The following ARHGAP10 variants were observed in gnomAD, a reference collection of about 807,000 sequenced individuals.
ARHGAP10 encodes the protein Rho GTPase activating protein 10, also known as rho GTPase-activating protein 10.
Under a neutral mutation model 108.6 loss-of-function variants are expected in ARHGAP10, and 87 were observed. That is an observed-to-expected ratio of 0.80 (90% CI 0.67 to 0.96). The LOEUF (loss-of-function observed/expected upper bound fraction) is 0.96, where lower values mean the gene tolerates loss of function less well. Among genes scored for constraint, ARHGAP10 ranks in the 40% least tolerant of loss-of-function variants. The pLI, the probability that ARHGAP10 is intolerant of heterozygous loss-of-function variation, is 0.00. For synonymous variants in ARHGAP10, 347 were observed against 341.1 expected (o/e 1.02, Z -0.19); for missense variants, 939 against 954.5 (o/e 0.98, Z 0.21).
intron 10 of ARHGAP10, among the ~76,000 whole-genome samples, chr4:147,897,179 T>C (rs1736027609): frequency 6.6e-6 from 1 of 151,900 alleles, no homozygotes; most frequent in African/African-American, 2.4e-5. Context: ...ATAAACAGCA[T>C]ATACTTGAGT....
At chr4:147,740,212 C>G (rs1175184138) in intron 1 of ARHGAP10, among the ~76,000 whole-genome samples, 1 of 151,934 alleles carries the variant, frequency 6.6e-6, no homozygotes, top group Non-Finnish European at 1.5e-5. Flanking sequence ...TGTGTGCCAC[C>G]AGGCCTGGCT....
At chr4:148,010,733 T>G (rs1461840665) in intron 18 of ARHGAP10, among the ~76,000 whole-genome samples, 1 of 152,308 alleles carries the variant, frequency 6.6e-6, no homozygotes, top group South Asian at 2.1e-4. Flanking sequence ...ACATTGACAT[T>G]AACTGGGAAT....
In ARHGAP10 at chr4:147,747,103, T is replaced by C. The variant is rs370664553; in HGVS notation, c.154+14648T>C. 2.3e-4 allele frequency among the ~76,000 whole-genome samples: 35 copies of C among 152,230 alleles called. 2 individuals carry two copies. The East Asian group carries it at 2.3e-3, about 10-fold the overall frequency. On this transcript the variant is annotated intron_variant, in intron 1 of 22. Transcript: ENST00000336498. The stretch of plus-strand genomic sequence containing the variant: ...CCCAGAAAGGCCGCTGTTTCAGGCT[T>C]TATTTCACACTTTGTTCTGTTGCAC...
intron 13 of ARHGAP10, among the ~76,000 whole-genome samples, chr4:147,922,936 A>G (rs1311191403): frequency 6.6e-6 from 1 of 152,138 alleles, no homozygotes; most frequent in African/African-American, 2.4e-5. Flanking sequence ...TTACTCAGAG[A>G]AAATGTCTTA....
chr4:148,047,576 T>C (rs988961958), intron 20 of ARHGAP10, among the ~76,000 whole-genome samples: 1 of 152,204 alleles, frequency 6.6e-6, no homozygotes, highest in African/African-American at 2.4e-5. Flanking sequence ...GCAGATCAGC[T>C]CAAGTATATT....
chr4:147,738,661 T>C (rs1195508168), intron 1 of ARHGAP10, among the ~76,000 whole-genome samples: 1 of 152,220 alleles, frequency 6.6e-6, no homozygotes, highest in Non-Finnish European at 1.5e-5. Flanking sequence ...ACAATTATGA[T>C]GACATAACTA....
At position 147,870,016 on chromosome 4, in the gene ARHGAP10, G is replaced by C. The variant is rs866442754; in HGVS notation, c.702+3200G>C. ...TCCCAGTTTGTGTGTGTGTGTGTGT[G>C]TGTGTGTGTGTGTGTGTGTGTGTGT... On this transcript the variant is annotated intron_variant, in intron 7 of 22. Transcript: ENST00000336498. 4.5e-3 allele frequency among the ~76,000 whole-genome samples: 672 copies of C among 150,988 alleles called. 12 individuals are homozygous for C. The highest frequency in any genetic ancestry group is 0.013 in the African/African-American group (542 of 41,094).
chr4:147,751,869 T>G lies in ARHGAP10; in HGVS notation c.154+19414T>G, dbSNP rs1183363275. Among the ~76,000 whole-genome samples, 3 of 151,784 alleles carry G rather than the reference T, an allele frequency of 2.0e-5. No individual in the cohort carries two copies. In the East Asian group the frequency reaches 5.8e-4, roughly 29 times the overall value. On this transcript the variant is annotated intron_variant, in intron 1 of 22. Coordinates refer to ENST00000336498, the MANE Select transcript of ARHGAP10 (RefSeq NM_024605.4). ...CTGAGGCTCCTGCAAGTTATACACT[T>G]TCTGAAGCCTTTAGTTTTTTTTTTT... is the stretch of plus-strand genomic sequence containing the variant.
intron 20 of ARHGAP10, among the ~76,000 whole-genome samples, chr4:148,050,956 G>A (rs529080900): frequency 3.3e-5 from 5 of 152,338 alleles, no homozygotes; most frequent in Admixed American, 1.3e-4. Flanking sequence ...TGCCTTTACT[G>A]TGGTCTCAGG....
chr4:147,842,283 T>A (rs537475192), intron 3 of ARHGAP10, among the ~76,000 whole-genome samples: 4 of 152,282 alleles, frequency 2.6e-5, no homozygotes, highest in South Asian at 4.1e-4. Context: ...CCTTTGGGGC[T>A]CAGACGGATA....
intron 1 of ARHGAP10, among the ~76,000 whole-genome samples, chr4:147,819,157 T>A (rs898259782): frequency 6.6e-6 from 1 of 152,236 alleles, no homozygotes; most frequent in Non-Finnish European, 1.5e-5. Context: ...CATTTCAGTT[T>A]TAACTTTCCA....
At chr4:147,859,808 G>A (rs1411976863) in intron 5 of ARHGAP10, among the ~76,000 whole-genome samples, 2 of 152,154 alleles carry the variant, frequency 1.3e-5, no homozygotes, top group East Asian at 3.9e-4. Context: ...CAGTCCCAAG[G>A]ATAATTAACC....
chr4:148,055,311 C>T (rs1294248549), intron 20 of ARHGAP10, among the ~76,000 whole-genome samples: 1 of 152,200 alleles, frequency 6.6e-6, no homozygotes, highest in African/African-American at 2.4e-5. Flanking sequence ...GAGTGTTAAA[C>T]ATGGCAGGCC....
chr4:147,884,866 A>G (rs1288033949), intron 10 of ARHGAP10, among the ~76,000 whole-genome samples: 3 of 152,228 alleles, frequency 2.0e-5, no homozygotes, highest in Non-Finnish European at 4.4e-5. Flanking sequence ...AATCCATTAA[A>G]TAGTTTTAAG....
intron 14 of ARHGAP10, among the ~76,000 whole-genome samples, chr4:147,940,325 G>A (rs187065725): frequency 1.4e-4 from 21 of 152,258 alleles, no homozygotes; most frequent in Admixed American, 4.6e-4. Flanking sequence ...GGGATTCATT[G>A]GTATTCACAG....
intron 16 of ARHGAP10, among the ~76,000 whole-genome samples, chr4:147,963,305 C>A (rs1739072615): frequency 6.6e-6 from 1 of 152,140 alleles, no homozygotes; most frequent in Non-Finnish European, 1.5e-5. Flanking sequence ...TTCCTTGAAC[C>A]CTTCCCCGTT....
intron 1 of ARHGAP10, among the ~76,000 whole-genome samples, chr4:147,806,560 G>A (rs571429868): frequency 6.6e-6 from 1 of 152,074 alleles, no homozygotes; most frequent in East Asian, 1.9e-4. Flanking sequence ...CTTATGATAA[G>A]GAGTTTGCTG....
chr4:147,818,820 G>A (rs1008458734), intron 1 of ARHGAP10, among the ~76,000 whole-genome samples: 13 of 152,096 alleles, frequency 8.5e-5, no homozygotes, highest in Non-Finnish European at 1.3e-4. Flanking sequence ...AATTTAAAAT[G>A]TATAAAGTAA....
intron 1 of ARHGAP10, among the ~76,000 whole-genome samples, chr4:147,753,355 CTTTTTT>C (rs36025529): frequency 6.9e-6 from 1 of 145,690 alleles, no homozygotes; most frequent in Non-Finnish European, 1.5e-5. Context: ...CTTTTCTTTT[CTTTTTT>C]TTTTTTGAGA....
Sources: allele counts gnomAD v4.1 joint callset (sites outside exome capture counted in the v4.1 genomes callset), GRCh38; gene constraint gnomAD v4.1.1; transcripts MANE v1.5; gene names NCBI Gene and HGNC (gene_info 2026-07-23, HGNC 2026-07-21).